MGAT4C: variants seen among roughly 807,000 people sequenced by gnomAD.
MGAT4C encodes the protein alpha-1,3-mannosyl-glycoprotein 4-beta-N-acetylglucosaminyltransferase C.
A neutral mutation model predicts 40.1 loss-of-function variants in MGAT4C; 19 were observed. The observed-to-expected ratio is 0.47, with a 90% CI of 0.33 to 0.70. MGAT4C has a LOEUF of 0.70. Among genes scored for constraint, MGAT4C ranks in the 30% least tolerant of loss-of-function variants. The pLI, the probability that MGAT4C is intolerant of heterozygous loss-of-function variation, is 0.02. For synonymous variants in MGAT4C, 181 were observed against 187.1 expected, an observed-to-expected ratio of 0.97 and a Z score of 0.27; for missense variants, 491 against 563.2, an observed-to-expected ratio of 0.87 and a Z score of 1.30.
At chr12:86,814,227 T>C (rs188047639) in intron 1 of MGAT4C, among the ~76,000 whole-genome samples, 39 of 149,868 alleles carry the variant, frequency 2.6e-4, no homozygotes, top group Non-Finnish European at 4.4e-4. Context: ...TATTATCTAA[T>C]TATTTGGCAT....
intron 2 of MGAT4C, among the ~76,000 whole-genome samples, chr12:86,554,883 C>A (rs1055086279): frequency 4.6e-5 from 7 of 152,054 alleles, no homozygotes; most frequent in African/African-American, 1.4e-4. Flanking sequence ...GGCTGTATTC[C>A]TTCTGGAAGT....
intron 1 of MGAT4C, among the ~76,000 whole-genome samples, chr12:86,130,361 T>C (rs559763741): frequency 1.3e-5 from 2 of 152,260 alleles, no homozygotes; most frequent in Admixed American, 6.5e-5. Flanking sequence ...ATGCCAAATG[T>C]AATAAAATGG....
chr12:86,354,940 A>T (rs910757897), intron 3 of MGAT4C, among the ~76,000 whole-genome samples: 2 of 152,218 alleles, frequency 1.3e-5, no homozygotes, highest in African/African-American at 4.8e-5. Flanking sequence ...AGCATGGACG[A>T]GAACCCAAGG....
intron 3 of MGAT4C, among the ~76,000 whole-genome samples, chr12:86,375,793 A>T (rs1370359051): frequency 1.3e-5 from 2 of 152,160 alleles, no homozygotes; most frequent in Non-Finnish European, 2.9e-5. Flanking sequence ...AACAATGAGA[A>T]CAATGAATAT....
intron 2 of MGAT4C, among the ~76,000 whole-genome samples, chr12:86,705,611 A>G (rs1279814977): frequency 6.6e-6 from 1 of 152,170 alleles, no homozygotes; most frequent in Non-Finnish European, 1.5e-5. Context: ...AATAAAAATC[A>G]TAAGGATCAG....
At chr12:86,371,283 T>C (rs1480054242) in intron 3 of MGAT4C, among the ~76,000 whole-genome samples, 1 of 152,036 alleles carries the variant, frequency 6.6e-6, no homozygotes, top group Non-Finnish European at 1.5e-5. Context: ...CAAATTCTGC[T>C]CTTCATTTCC....
intron 2 of MGAT4C, among the ~76,000 whole-genome samples, chr12:86,501,597 T>C (rs1958344037): frequency 6.6e-6 from 1 of 151,230 alleles, no homozygotes; most frequent in African/African-American, 2.4e-5. Flanking sequence ...ATGCAGTGCT[T>C]GGTTTTCTGT....
intron 2 of MGAT4C, among the ~76,000 whole-genome samples, chr12:86,460,764 G>C (rs1476221257): frequency 6.6e-6 from 1 of 151,922 alleles, no homozygotes; most frequent in Non-Finnish European, 1.5e-5. Flanking sequence ...GTCATAAATA[G>C]AGTTTGAGAG....
intron 1 of MGAT4C, among the ~76,000 whole-genome samples, chr12:86,058,588 AT>A (rs1263209100): frequency 6.6e-6 from 1 of 152,066 alleles, no homozygotes; most frequent in Non-Finnish European, 1.5e-5. Flanking sequence ...TATTAACTTT[AT>A]TTTTTTATTG....
At chr12:86,296,422 G>C (rs570640725) in intron 4 of MGAT4C, among the ~76,000 whole-genome samples, 1 of 92,192 alleles carries the variant, frequency 1.1e-5, no homozygotes, top group Non-Finnish European at 2.5e-5. Context: ...GCCCTTGGGC[G>C]GTCGATGGGA....
At chr12:86,174,755 G>C in intron 1 of MGAT4C, among the ~76,000 whole-genome samples, 1 of 152,110 alleles carries the variant, frequency 6.6e-6, no homozygotes, top group Middle Eastern at 3.4e-3. Flanking sequence ...AGTTTGAGAG[G>C]TAAAAATAAA....
chr12:86,775,939 T>G (rs1951741300), intron 1 of MGAT4C, among the ~76,000 whole-genome samples: 1 of 151,978 alleles, frequency 6.6e-6, no homozygotes, highest in Admixed American at 6.6e-5. Flanking sequence ...TAGATTTGTT[T>G]GCAAAACAAT....
chr12:86,261,938 C>T (rs936110852), intron 4 of MGAT4C, among the ~76,000 whole-genome samples: 5 of 152,034 alleles, frequency 3.3e-5, no homozygotes, highest in Middle Eastern at 3.2e-3. Flanking sequence ...CCCATTTATG[C>T]CTCAGGTTGC....
At chr12:85,986,666 T>TA (rs1885233347) in intron 3 of MGAT4C, among the ~76,000 whole-genome samples, 1 of 152,136 alleles carries the variant, frequency 6.6e-6, no homozygotes, top group South Asian at 2.1e-4. Context: ...TCCCAGTTTT[T>TA]AAAAAAGGAA....
intron 2 of MGAT4C, among the ~76,000 whole-genome samples, chr12:86,489,165 C>T (rs564483448): frequency 4.6e-5 from 7 of 152,240 alleles, no homozygotes; most frequent in African/African-American, 1.2e-4. Flanking sequence ...CAGGGAGAAG[C>T]GACTTAACTT....
chr12:86,016,139 G>A (rs1889067228), intron 2 of MGAT4C: 1 of 152,134 alleles, frequency 6.6e-6, no homozygotes, highest in Non-Finnish European at 1.5e-5. Context: ...TTGATGAATT[G>A]CCATCACATA....
At chr12:86,527,829 A>T (rs1958911545) in intron 2 of MGAT4C, among the ~76,000 whole-genome samples, 1 of 152,154 alleles carries the variant, frequency 6.6e-6, no homozygotes, top group Admixed American at 6.5e-5. Flanking sequence ...CGCTACTGAT[A>T]TAGAAAGACA....
chr12:86,591,094 C>G (rs1169079835), intron 2 of MGAT4C, among the ~76,000 whole-genome samples: 1 of 151,898 alleles, frequency 6.6e-6, no homozygotes, highest in Non-Finnish European at 1.5e-5. Context: ...GAGGTGGTTT[C>G]ATACTCAAAA....
intron 1 of MGAT4C, among the ~76,000 whole-genome samples, chr12:86,175,175 T>G (rs1439702560): frequency 2.0e-5 from 3 of 152,184 alleles, no homozygotes; most frequent in Non-Finnish European, 4.4e-5. Context: ...ATGTACGATA[T>G]AATCAAGTTT....
Sources: gnomAD v4.1 joint callset for allele counts (sites outside exome capture counted in the v4.1 genomes callset) on GRCh38, gnomAD v4.1.1 for gene constraint, MANE v1.5 for transcripts, NCBI Gene and HGNC (gene_info 2026-07-23, HGNC 2026-07-21) for gene names.